CDKAL1: variants seen among roughly 807,000 people sequenced by gnomAD.
The protein encoded by CDKAL1 is CDKAL1 threonylcarbamoyladenosine tRNA methylthiotransferase, also known as threonylcarbamoyladenosine tRNA methylthiotransferase.
In CDKAL1, 32 loss-of-function variants were observed where a neutral mutation model predicts 68.2. The ratio of observed to expected loss-of-function variants is 0.47; its 90% CI spans 0.35 to 0.63. The LOEUF is 0.63. CDKAL1 is among the 30% of genes least tolerant of loss of function. CDKAL1 has a pLI of 0.00. For missense variants in CDKAL1, 606 were observed against 696.7 expected (o/e 0.87, Z 1.47); for synonymous variants, 234 against 244.3 (o/e 0.96, Z 0.39).
intron 5 of CDKAL1, among the ~76,000 whole-genome samples, chr6:20,703,266 C>T (rs1055548747): frequency 2.6e-5 from 4 of 152,100 alleles, no homozygotes; most frequent in African/African-American, 9.7e-5. Flanking sequence ...AAAGTTTTAT[C>T]GGAACAGAGT....
intron 4 of CDKAL1, among the ~76,000 whole-genome samples, chr6:20,557,053 AT>A (rs1400549699): frequency 0.3 from 23,993 of 78,670 alleles, 2,387 homozygotes; most frequent in East Asian, 0.57. Flanking sequence ...AAAAAAAAAA[AT>A]AAATAAATAA....
At chr6:20,952,629 A>T (rs1764590477) in intron 9 of CDKAL1, among the ~76,000 whole-genome samples, 1 of 152,264 alleles carries the variant, frequency 6.6e-6, no homozygotes, top group Non-Finnish European at 1.5e-5. Context: ...CTCATAACTG[A>T]AGTCCTTAAG....
At chr6:20,542,709 A>G (rs1238438920) in intron 2 of CDKAL1, among the ~76,000 whole-genome samples, 1 of 152,198 alleles carries the variant, frequency 6.6e-6, no homozygotes, top group Non-Finnish European at 1.5e-5. Context: ...ACTACAATAC[A>G]ATACAGTATC....
At chr6:20,790,786 C>T (rs1248528380) in intron 8 of CDKAL1, among the ~76,000 whole-genome samples, 2 of 152,144 alleles carry the variant, frequency 1.3e-5, no homozygotes, top group Non-Finnish European at 2.9e-5. Context: ...GGTCCCCCCA[C>T]CCCTGTAGTT....
At chr6:20,910,471 T>G (rs1380777523) in intron 9 of CDKAL1, among the ~76,000 whole-genome samples, 1 of 152,178 alleles carries the variant, frequency 6.6e-6, no homozygotes, top group Non-Finnish European at 1.5e-5. Flanking sequence ...ACCTTTCCTG[T>G]GGAGAAAATA....
chr6:20,900,379 T>C (rs968454067), intron 9 of CDKAL1, among the ~76,000 whole-genome samples: 2 of 152,224 alleles, frequency 1.3e-5, no homozygotes, highest in African/African-American at 4.8e-5. Context: ...AATATGTCAG[T>C]GCTAATGATT....
At position 20,544,966 on chromosome 6, in the gene CDKAL1, TG is replaced by T. The variant is rs1427017917; in HGVS notation, c.-5-1379del. ...GTGCCTGGGGGTGGGATTACAGTTT[TG>T]TGTGTGTGTGTGTGTGTGTGTGTGT... On this transcript the variant is annotated intron_variant, in intron 2 of 15. Transcript: ENST00000274695. 4.1e-4 allele frequency among the ~76,000 whole-genome samples: 11 copies of T among 26,688 alleles called. No individual in the cohort carries two copies. In the African/African-American group the frequency reaches 8.0e-3, roughly 20 times the overall value. The allele number at this position is 26,688 out of a possible 152,430, so 17.5% of individuals were successfully genotyped here.
chr6:21,040,412 G>A (rs981546338), intron 11 of CDKAL1, among the ~76,000 whole-genome samples: 4 of 152,074 alleles, frequency 2.6e-5, no homozygotes, highest in Admixed American at 2.0e-4. Flanking sequence ...TGAGATGAAT[G>A]TCTCTCAGTC....
At chr6:21,034,496 G>T (rs887842002) in intron 11 of CDKAL1, among the ~76,000 whole-genome samples, 20 of 152,152 alleles carry the variant, frequency 1.3e-4, no homozygotes, top group African/African-American at 4.6e-4. Context: ...TCACATAAGT[G>T]GCCAATTAAA....
At chr6:20,805,625 GCATT>G (rs1376715958) in intron 8 of CDKAL1, among the ~76,000 whole-genome samples, 1 of 152,148 alleles carries the variant, frequency 6.6e-6, no homozygotes, top group Non-Finnish European at 1.5e-5. Context: ...AGCAGACTAA[GCATT>G]CATCACAATA....
chr6:21,156,487 G>C (rs1025878439), intron 13 of CDKAL1, among the ~76,000 whole-genome samples: 2 of 150,538 alleles, frequency 1.3e-5, no homozygotes, highest in African/African-American at 4.9e-5. Flanking sequence ...GTTAACACTA[G>C]TTATCTTTAG....
intron 11 of CDKAL1, among the ~76,000 whole-genome samples, chr6:21,005,116 T>C (rs1364016146): frequency 6.6e-6 from 1 of 152,166 alleles, no homozygotes; most frequent in Non-Finnish European, 1.5e-5. Flanking sequence ...TCTTTTTTCA[T>C]GTGTTTTTGA....
At chr6:20,687,343 T>G (rs1304145545) in intron 5 of CDKAL1, among the ~76,000 whole-genome samples, 1 of 152,228 alleles carries the variant, frequency 6.6e-6, no homozygotes, top group Non-Finnish European at 1.5e-5. Context: ...ATTGATTCAA[T>G]TTATTTAATA....
At chr6:20,812,966 C>T (rs1776884985) in intron 8 of CDKAL1, among the ~76,000 whole-genome samples, 2 of 152,096 alleles carry the variant, frequency 1.3e-5, no homozygotes, top group African/African-American at 4.8e-5. Context: ...TTTGCTTTAC[C>T]TTGGCACCAA....
intron 4 of CDKAL1, among the ~76,000 whole-genome samples, chr6:20,617,949 G>T (rs1016161413): frequency 6.6e-6 from 1 of 152,058 alleles, no homozygotes; most frequent in Non-Finnish European, 1.5e-5. Flanking sequence ...GGGATCGCTG[G>T]GTCAAACAAT....
intron 9 of CDKAL1, among the ~76,000 whole-genome samples, chr6:20,905,063 A>C (rs952516450): frequency 1.3e-5 from 2 of 152,180 alleles, no homozygotes; most frequent in East Asian, 1.9e-4. Flanking sequence ...AGAAACAAGA[A>C]AATGTGTCCC....
intron 13 of CDKAL1, among the ~76,000 whole-genome samples, chr6:21,194,460 G>T (rs115161653): frequency 5.9e-5 from 9 of 152,148 alleles, no homozygotes; most frequent in East Asian, 3.8e-4. Flanking sequence ...GACTACCTCT[G>T]CCATTAGCAT....
At chr6:20,672,510 C>G (rs1304445255) in intron 5 of CDKAL1, among the ~76,000 whole-genome samples, 1 of 150,458 alleles carries the variant, frequency 6.6e-6, no homozygotes, top group East Asian at 2.0e-4. Flanking sequence ...AGCCACCATG[C>G]CTGGCTAATT....
At chr6:20,900,469 A>G (rs1761906681) in intron 9 of CDKAL1, among the ~76,000 whole-genome samples, 1 of 152,242 alleles carries the variant, frequency 6.6e-6, no homozygotes, top group African/African-American at 2.4e-5. Flanking sequence ...CTGATGCAGT[A>G]TGCAAATAAC....
Sources: gnomAD v4.1 joint callset for allele counts (sites outside exome capture counted in the v4.1 genomes callset) on GRCh38, gnomAD v4.1.1 for gene constraint, MANE v1.5 for transcripts, NCBI Gene and HGNC (gene_info 2026-07-23, HGNC 2026-07-21) for gene names.